Variants in RNF40 observed in about 807,000 individuals in gnomAD.
RNF40 encodes the protein E3 ubiquitin-protein ligase BRE1B.
A neutral mutation model predicts 123.3 loss-of-function variants in RNF40; 39 were observed. The ratio of observed to expected loss-of-function variants is 0.32; its 90% CI spans 0.24 to 0.41. RNF40 has a LOEUF of 0.41. RNF40 is among the 10% of genes least tolerant of loss of function. The pLI, the probability that RNF40 is intolerant of heterozygous loss-of-function variation, is 1.00. For missense variants in RNF40, 1,003 were observed against 1,319.9 expected, an observed-to-expected ratio of 0.76 and a Z score of 3.72; for synonymous variants, 538 against 526.0, an observed-to-expected ratio of 1.02 and a Z score of -0.31.
Position 30,763,442 on chromosome 16 carries a change from C to A in RNF40, c.325C>A (p.Leu109Ile). 2 of 1,608,524 alleles carry A rather than the reference C, an allele frequency of 1.2e-6. No homozygotes were observed. The highest frequency in any genetic ancestry group is 2.2e-5 in the South Asian group (2 of 90,472). ...AQLDETVEAL[L>I]RCHESQGELS... is the part of the protein sequence containing the mutation. ...GCTGGATGAAACTGTGGAAGCCCTTCTCCGATGCCATGAGAGCCAGGGGGA... is the reference window on the plus strand; with the variant it reads ...GCTGGATGAAACTGTGGAAGCCCTTATCCGATGCCATGAGAGCCAGGGGGA... The change falls in exon 4 of 20, where the codon CTC (leucine) becomes ATC (isoleucine). Residue 109 changes from leucine (L) to isoleucine (I), a missense_variant. This residue lies in a region of RNF40 where 104 missense variants were observed against 85.2 expected (regional missense o/e 1.22). Coordinates refer to ENST00000324685, the MANE Select transcript of RNF40 (RefSeq NM_014771.4).
chr16:30,771,617 A>G (rs2054149018), intron 17 of RNF40, among the ~76,000 whole-genome samples: 1 of 149,972 alleles, frequency 6.7e-6, no homozygotes, highest in Non-Finnish European at 1.5e-5. Flanking sequence ...ACTCCGTCTC[A>G]AAAAAACAAA....
At position 30,768,663 on chromosome 16, in the gene RNF40, T is replaced by C. The variant is rs1488208788; in HGVS notation, c.2024T>C (p.Met675Thr). 1.2e-6 allele frequency: 2 copies of C among 1,614,186 alleles called. No homozygotes were observed. Among genetic ancestry groups the C allele is most frequent in the Admixed American group, 3.3e-5 (2 of 60,028 alleles). ...SQKEMKLLLDMYKSAPKEQRD... is the reference protein window; with the variant it reads ...SQKEMKLLLDTYKSAPKEQRD... Reference sequence around the variant, plus strand: ...AAGGAGATGAAACTGCTGCTGGATATGTACAAGTCAGCGCCCAAGGAGCAG... The same window carrying C: ...AAGGAGATGAAACTGCTGCTGGATACGTACAAGTCAGCGCCCAAGGAGCAG... The change falls in exon 14 of 20, where the codon ATG becomes ACG. Residue 675 changes from methionine (M) to threonine (T), a missense_variant. This residue lies in a region of RNF40 where 295 missense variants were observed against 331.7 expected (regional missense o/e 0.89). Transcript: ENST00000324685. This position sits in a 1 kb window ranked among gnomAD's most constrained non-coding sequence, Gnocchi z 4.1.
rs747470397 is a variant in RNF40 at position 30,763,100 on chromosome 16, C to T, written c.133-18C>T. On this transcript the variant is annotated intron_variant, in intron 2 of 19. Transcript: ENST00000324685. ...CCCTGCTTGACGCTCTCGTCGGCCC[C>T]TTTGTTTCCTTTGGTAGGAGGAGAT... 5.6e-6 allele frequency: 9 copies of T among 1,613,252 alleles called. No homozygotes were observed. In the South Asian group the frequency reaches 6.6e-5, roughly 12 times the overall value.
chr16:30,763,451 C>T lies in RNF40; in HGVS notation c.334C>T (p.His112Tyr), dbSNP rs2053938113. 6.2e-7 allele frequency: 1 copy of T among 1,609,644 alleles called. No individual in the cohort carries two copies. The highest frequency in any genetic ancestry group is 1.3e-5 in the African/African-American group (1 of 74,674). ...AACTGTGGAAGCCCTTCTCCGATGC[C>T]ATGAGAGCCAGGGGGAGCTGTCTTC... ...DETVEALLRC[H>Y]ESQGELSSAP... Residue 112 changes from histidine to tyrosine, a missense_variant, in exon 4 of 20, where the codon CAT becomes TAT. By Grantham distance (83) the His-to-Tyr change is moderately conservative. Transcript: ENST00000324685.
chr16:30,761,749 C>CT (rs2053825137), upstream of RNF40: 1 of 1,521,400 alleles, frequency 6.6e-7, no homozygotes, highest in Admixed American at 2.0e-5. Context: ...GGTTGAGCAT[C>CT]TCGCCGCTCT....
At position 30,768,074 on chromosome 16, in the gene RNF40, T is replaced by C. The variant is rs2054072094; in HGVS notation, c.1552-29T>C. 6.2e-7 allele frequency: 1 copy of C among 1,613,510 alleles called. No individual in the cohort carries two copies. The highest frequency in any genetic ancestry group is 1.3e-5 in the African/African-American group (1 of 74,928). ...TAGACTCCAGTGAACACCATCTGAC[T>C]TCATCCCTCTTCCTCTCTGCCTTTG... On this transcript the variant is annotated intron_variant, in intron 12 of 19. Coordinates refer to ENST00000324685, the MANE Select transcript of RNF40 (RefSeq NM_014771.4). The surrounding 1 kb of genome is among the most constrained non-coding windows in gnomAD (Gnocchi z 4.1).
In RNF40 at chr16:30,774,443, A is replaced by G; in HGVS notation, c.*329A>G. On this transcript the variant is annotated 3_prime_UTR_variant, in exon 20 of 20. Transcript: ENST00000324685. Reference sequence around the variant, plus strand: ...CTGTCTGTCTCCGTGGATGCATCCTAACCCTAAGGAAAATTCCCCAGGCTG... The same window carrying G: ...CTGTCTGTCTCCGTGGATGCATCCTGACCCTAAGGAAAATTCCCCAGGCTG... 1 of 281,874 alleles carries G rather than the reference A, an allele frequency of 3.5e-6. No homozygotes were observed. 17.5% of individuals were successfully genotyped at this position (281,874 alleles called of 1,614,324 possible).
chr16:30,766,988 C>G lies in RNF40; in HGVS notation c.1429+112C>G. On this transcript the variant is annotated intron_variant, in intron 11 of 19. Transcript: ENST00000324685. This position sits in a 1 kb window ranked among gnomAD's most constrained non-coding sequence, Gnocchi z 5.4. ...GGCTAAGGCCTTTTTTTTCACAGAGCCTCGGCTTCCTATGCAAAACAGGGC... is the reference window on the plus strand; with the variant it reads ...GGCTAAGGCCTTTTTTTTCACAGAGGCTCGGCTTCCTATGCAAAACAGGGC... The G allele has an allele frequency of 7.4e-7, 1 of 1,343,938 alleles. No homozygotes were observed. The highest frequency in any genetic ancestry group is 1.0e-6 in the Non-Finnish European group (1 of 999,338). 83.3% of individuals were successfully genotyped at this position (1,343,938 alleles called of 1,614,324 possible). A position where few individuals can be genotyped will look rare whatever the true frequency, so the allele number is the denominator to read the frequency against.
Position 30,766,212 on chromosome 16 carries a change from G to A in RNF40, c.1043G>A (p.Ser348Asn). 1 of 1,614,212 alleles carries A rather than the reference G, an allele frequency of 6.2e-7. No individual in the cohort carries two copies. ...ELEENQELAN[S>N]RMAELEKLQA... ...GAGGAAAACCAGGAACTGGCCAACA[G>A]CCGTATGGCAGAGCTGGAGAAACTG... is the stretch of plus-strand genomic sequence containing the variant. The change falls in exon 9 of 20, where the codon AGC becomes AAC. Residue 348 changes from serine to asparagine, a missense_variant. Around this residue, in one of 11 missense-constraint regions of RNF40, gnomAD observed 274 missense variants for 356.9 expected, o/e 0.77. Transcript: ENST00000324685. This position sits in a 1 kb window ranked among gnomAD's most constrained non-coding sequence, Gnocchi z 5.4.
chr16:30,767,920 C>T lies in RNF40; in HGVS notation c.1456C>T (p.Leu486=). Residue 486 remains leucine (L), a synonymous_variant, in exon 12 of 20, where the codon CTG becomes TTG. Transcript: ENST00000324685. ...AGPINREMRH[L]ISSLQNHNHQ... ...GCCCATCAACCGTGAGATGCGCCAC[C>T]TGATTAGTAGTCTTCAAAACCACAA... is the stretch of plus-strand genomic sequence containing the variant. The T allele has an allele frequency of 1.2e-6, 2 of 1,614,138 alleles. No individual in the cohort carries two copies. The highest frequency in any genetic ancestry group is 1.3e-5 in the African/African-American group (1 of 75,034).
At chr16:30,771,754 A>C (rs1407456001) in intron 17 of RNF40, 79 bp from the exon 18 acceptor site, 1 of 1,473,916 alleles carries the variant, frequency 6.8e-7, no homozygotes, top group Admixed American at 2.3e-5. Context: ...CCTGGACAGA[A>C]GCATTGGTGG....
Position 30,765,032 on chromosome 16 carries a change from G to A in RNF40, c.744G>A (p.Gln248=). 1 of 1,614,062 alleles carries A rather than the reference G, an allele frequency of 6.2e-7. No homozygotes were observed. The highest frequency in any genetic ancestry group is 8.5e-7 in the Non-Finnish European group (1 of 1,180,004). ...RRLQDLATQL[Q]EKHHRISLEY... ...TGCAGGACTTGGCCACTCAGCTGCA[G>A]GAGAAACACCACCGCATCTCATTGG... The change falls in exon 6 of 20, where the codon CAG becomes CAA. Residue 248 remains glutamine (Q), a synonymous_variant. Transcript: ENST00000324685.
In RNF40 at chr16:30,768,404, A is replaced by G. The variant is rs1272909164; in HGVS notation, c.1853A>G (p.Glu618Gly). ...CCCAAGCGGGAGCTTCGGGAACGGG[A>G]AGGTCCCAGCCTAGGACCTCCACCT... ...ARPKRELRER[E>G]GPSLGPPPVA... Residue 618 changes from glutamate to glycine, a missense_variant, in exon 13 of 20, where the codon GAA (glutamate) becomes GGA (glycine). By Grantham distance (98) the Glu-to-Gly change is moderately conservative (BLOSUM62 -2). Transcript: ENST00000324685. This position sits in a 1 kb window ranked among gnomAD's most constrained non-coding sequence, Gnocchi z 4.1. 2 of 1,613,664 alleles carry G rather than the reference A, an allele frequency of 1.2e-6. No homozygotes were observed. The highest frequency in any genetic ancestry group is 1.3e-5 in the African/African-American group (1 of 74,916).
At chr16:30,764,788 G>C in intron 5 of RNF40, 150 bp from the exon 6 acceptor site, 2 of 1,133,714 alleles carry the variant, frequency 1.8e-6, no homozygotes, top group Non-Finnish European at 2.5e-6. Flanking sequence ...TTCCTTCTCT[G>C]TGCAGTGGGG....
At chr16:30,769,674 A>AC in intron 17 of RNF40, 74 bp downstream of exon 17, 1 of 1,439,872 alleles carries the variant, frequency 6.9e-7, no homozygotes, top group Non-Finnish European at 9.2e-7. Context: ...TGCTCAGAGC[A>AC]CCCGATGCAA....
chr16:30,768,859 A>G lies in RNF40; in HGVS notation c.2119A>G (p.Ile707Val), dbSNP rs1171347578. Residue 707 changes from isoleucine to valine, a missense_variant, in exon 15 of 20, where the codon ATC (isoleucine) becomes GTC (valine). Transcript: ENST00000324685. The surrounding 1 kb of genome is among the most constrained non-coding windows in gnomAD (Gnocchi z 4.1). ...ATAGGTTGATGAGCTGCGGAGCCGC[A>G]TCCGGGAATTGGAGGAGAGGGATCG... ...KAEVDELRSRIRELEERDRRE... is the reference protein window; with the variant it reads ...KAEVDELRSRVRELEERDRRE... 11 of 1,614,116 alleles carry G rather than the reference A, an allele frequency of 6.8e-6. No individual in the cohort carries two copies. Among genetic ancestry groups the G allele is most frequent in the African/African-American group, 2.7e-5 (2 of 74,944 alleles).
In RNF40 at chr16:30,765,344, G is replaced by T; in HGVS notation, c.918+17G>T. 1 of 1,614,168 alleles carries T rather than the reference G, an allele frequency of 6.2e-7. No homozygotes were observed. The highest frequency in any genetic ancestry group is 1.1e-5 in the South Asian group (1 of 91,082). On this transcript the variant is annotated intron_variant, in intron 7 of 19. Coordinates refer to ENST00000324685, the MANE Select transcript of RNF40 (RefSeq NM_014771.4). ...TTAGAGCAGGTGGGGCAGGGGTGCT[G>T]GGGCAGGTGAGGCAAGGCTGGGCCC...
chr16:30,762,978 C>T (rs184016674), intron 2 of RNF40, 140 bp from the exon 3 acceptor site: 14 of 979,458 alleles, frequency 1.4e-5, no homozygotes, highest in African/African-American at 9.8e-5. Flanking sequence ...GTCTGAGCCT[C>T]CTTAGATTCT....
chr16:30,762,544 C>G lies in RNF40; in HGVS notation c.-2C>G. The G allele has an allele frequency of 2.5e-6, 4 of 1,586,858 alleles. No homozygotes were observed. Among genetic ancestry groups the G allele is most frequent in the Non-Finnish European group, 3.4e-6 (4 of 1,174,462 alleles). On this transcript the variant is annotated 5_prime_UTR_variant, in exon 2 of 20. Transcript: ENST00000324685. ...CCCTGCATCGCTCCAGCCGCCGCGG[C>G]CATGTCTGGGCCAGGCAACAAACGC...
Sources: gnomAD v4.1 joint callset for allele counts (sites outside exome capture counted in the v4.1 genomes callset) on GRCh38, gnomAD v4.1.1 for gene constraint, gnomAD v4.1.1 regional missense constraint, Gnocchi (gnomAD v3.1) non-coding constraint, MANE v1.5 for transcripts, NCBI Gene and HGNC (gene_info 2026-07-23, HGNC 2026-07-21) for gene names.